Variants in DNAH14 observed in about 807,000 individuals in gnomAD.
The protein encoded by DNAH14 is dynein axonemal heavy chain 14.
A neutral mutation model predicts 520.9 loss-of-function variants in DNAH14; 478 were observed. The ratio of observed to expected loss-of-function variants is 0.92; its 90% CI spans 0.85 to 0.99. The LOEUF (loss-of-function observed/expected upper bound fraction) is 0.99, where lower values mean the gene tolerates loss of function less well. Among genes scored for constraint, DNAH14 ranks in the 50% least tolerant of loss-of-function variants. The probability of loss-of-function intolerance (pLI) is 0.00; values close to 1 mark genes in which losing one functional copy is unlikely to be tolerated. For synonymous variants in DNAH14, 1,581 were observed against 1,757.2 expected (o/e 0.90, Z 2.51); for missense variants, 4,831 against 5,234.5 (o/e 0.92, Z 2.38).
intron 77 of DNAH14, among the ~76,000 whole-genome samples, chr1:225,371,975 A>G (rs186968977): frequency 1.1e-4 from 17 of 152,308 alleles, no homozygotes; most frequent in African/African-American, 3.8e-4. Context: ...CAACATTATG[A>G]GGTAAGGACA....
At chr1:225,251,372 C>A (rs1013750146) in intron 43 of DNAH14, among the ~76,000 whole-genome samples, 1 of 152,036 alleles carries the variant, frequency 6.6e-6, no homozygotes, top group Non-Finnish European at 1.5e-5. Flanking sequence ...CGGGGTTGCA[C>A]CATGTTGGCC....
intron 11 of DNAH14, among the ~76,000 whole-genome samples, chr1:225,033,113 T>C (rs915513664): frequency 6.6e-6 from 1 of 152,198 alleles, no homozygotes; most frequent in Non-Finnish European, 1.5e-5. Flanking sequence ...TTGCTTTTGT[T>C]GCAATGGCTT....
chr1:225,064,396 C>T (rs1184933286), intron 17 of DNAH14, among the ~76,000 whole-genome samples: 1 of 151,864 alleles, frequency 6.6e-6, no homozygotes, highest in East Asian at 1.9e-4. Flanking sequence ...CCATTTAATC[C>T]ATCAGTTCCA....
chr1:225,055,751 G>C (rs2068994116), intron 17 of DNAH14, among the ~76,000 whole-genome samples: 2 of 141,824 alleles, frequency 1.4e-5, no homozygotes, highest in South Asian at 4.3e-4. Context: ...TGTTCTCGTT[G>C]TTCAGTTCCC....
rs111977327 is a variant in DNAH14 at position 225,120,794 on chromosome 1, G to A, written c.4166+1500G>A. Among the ~76,000 whole-genome samples, 584 of 152,252 alleles carry A rather than the reference G, an allele frequency of 3.8e-3. 4 individuals carry two copies. The highest frequency in any genetic ancestry group is 0.013 in the African/African-American group (552 of 41,546). ...AGAAACCCTGAAAAAATGAATCTGG[G>A]CATTTAAGCAAAAAAGACAAGCAGT... On this transcript the variant is annotated intron_variant, in intron 26 of 85. Coordinates refer to ENST00000682510, the MANE Select transcript of DNAH14 (RefSeq NM_001367479.1).
intron 71 of DNAH14, among the ~76,000 whole-genome samples, chr1:225,348,423 C>G (rs1263011979): frequency 6.6e-6 from 1 of 152,050 alleles, no homozygotes; most frequent in Non-Finnish European, 1.5e-5. Flanking sequence ...CACCAAGACA[C>G]ATTATAATCA....
At chr1:225,034,919 A>T (rs2066832920) in intron 11 of DNAH14, among the ~76,000 whole-genome samples, 1 of 151,992 alleles carries the variant, frequency 6.6e-6, no homozygotes, top group Non-Finnish European at 1.5e-5. Context: ...CAGTAGTAAC[A>T]TTCCCTTCAT....
intron 17 of DNAH14, among the ~76,000 whole-genome samples, chr1:225,064,153 G>A (rs1051396314): frequency 1.3e-5 from 2 of 151,968 alleles, no homozygotes; most frequent in Admixed American, 6.6e-5. Context: ...TTTAATAAAA[G>A]CAGATGACAG....
At chr1:225,284,444 G>C (rs1226528864) in intron 54 of DNAH14, among the ~76,000 whole-genome samples, 1 of 152,002 alleles carries the variant, frequency 6.6e-6, no homozygotes, top group African/African-American at 2.4e-5. Flanking sequence ...TGAAACTGAA[G>C]AATTAGAAAA....
At chr1:225,247,278 G>A (rs1040900724) in intron 43 of DNAH14, among the ~76,000 whole-genome samples, 3 of 142,944 alleles carry the variant, frequency 2.1e-5, no homozygotes, top group African/African-American at 2.7e-5. Context: ...TAATGCATGC[G>A]GGGCTGAAAA....
At chr1:225,390,395 T>A (rs75242909) in intron 83 of DNAH14, among the ~76,000 whole-genome samples, 1 of 151,940 alleles carries the variant, frequency 6.6e-6, no homozygotes, top group Non-Finnish European at 1.5e-5. Flanking sequence ...AAGAGAGTTG[T>A]AAAGGGGTGA....
In DNAH14 at chr1:225,119,218, A is replaced by C; in HGVS notation, c.4092-2A>C. 2 of 1,517,054 alleles carry C rather than the reference A, an allele frequency of 1.3e-6. No homozygotes were observed. The highest frequency in any genetic ancestry group is 1.8e-6 in the Non-Finnish European group (2 of 1,131,484). The allele number at this position is 1,517,054 out of a possible 1,614,324, so 94.0% of individuals were successfully genotyped here. On this transcript the variant is annotated splice_acceptor_variant, in intron 25 of 85. Coordinates refer to ENST00000682510, the MANE Select transcript of DNAH14 (RefSeq NM_001367479.1). LOFTEE classifies it high-confidence loss of function. ...TGATATTATTTTTGAAACTAATTTT[A>C]GGAAAATTCGTGTAAGAAGTGCTGT...
chr1:225,100,316 T>G (rs1277106836), intron 22 of DNAH14, among the ~76,000 whole-genome samples: 1 of 152,162 alleles, frequency 6.6e-6, no homozygotes, highest in Non-Finnish European at 1.5e-5. Context: ...AAAGCTCTAC[T>G]CCTTTAAAAC....
chr1:225,309,324 GTTTC>G (rs2094309716), intron 60 of DNAH14, among the ~76,000 whole-genome samples: 1 of 152,116 alleles, frequency 6.6e-6, no homozygotes, highest in Non-Finnish European at 1.5e-5. Flanking sequence ...TCAATCCAGT[GTTTC>G]TTTCAGACAT....
At chr1:225,330,835 C>T (rs1170457760) in intron 64 of DNAH14, among the ~76,000 whole-genome samples, 1 of 152,102 alleles carries the variant, frequency 6.6e-6, no homozygotes, top group Non-Finnish European at 1.5e-5. Flanking sequence ...AGGATAAATG[C>T]TCGAGAGGAT....
chr1:225,334,908 G>GTGTGTATA (rs58202867), intron 66 of DNAH14, among the ~76,000 whole-genome samples: 1 of 146,376 alleles, frequency 6.8e-6, no homozygotes. Flanking sequence ...GTGTGTGTGT[G>GTGTGTATA]TATATGTATA....
At chr1:225,167,744 G>A (rs2082166494) in intron 35 of DNAH14, among the ~76,000 whole-genome samples, 195 bp from the exon 36 acceptor site, 1 of 152,082 alleles carries the variant, frequency 6.6e-6, no homozygotes, top group Non-Finnish European at 1.5e-5. Flanking sequence ...AAAATTTTGT[G>A]TTCACTGTAT....
Position 225,027,022 on chromosome 1 carries a change from A to C in DNAH14, c.1358+3157A>C, listed in dbSNP as rs542276918. Among the ~76,000 whole-genome samples, 7 of 151,924 alleles carry C rather than the reference A, an allele frequency of 4.6e-5. No homozygotes were observed. In the South Asian group the frequency reaches 1.5e-3, roughly 32 times the overall value. On this transcript the variant is annotated intron_variant, in intron 11 of 85. Transcript: ENST00000682510. Reference sequence around the variant, plus strand: ...TTTATCATTTTTTATGCTGTTGTGAATGGAATTATTTTTAAATTTTATTTT... The same window carrying C: ...TTTATCATTTTTTATGCTGTTGTGACTGGAATTATTTTTAAATTTTATTTT...
In DNAH14 at chr1:225,273,037, C is replaced by T; in HGVS notation, c.7922C>T (p.Thr2641Ile). ...MAALLFVHEA[T>I]RVFHDRLIDF... ...GCTCTGCTCTTTGTTCATGAAGCCACCCGAGTATTTCACGATCGCTTAATT... is the reference window on the plus strand; with the variant it reads ...GCTCTGCTCTTTGTTCATGAAGCCATCCGAGTATTTCACGATCGCTTAATT... The change falls in exon 52 of 86, where the codon ACC becomes ATC. Residue 2641 changes from threonine (T) to isoleucine (I), a missense_variant. Thr to Ile is a moderately conservative substitution (Grantham distance 89). Coordinates refer to ENST00000682510, the MANE Select transcript of DNAH14 (RefSeq NM_001367479.1). 1 of 1,551,640 alleles carries T rather than the reference C, an allele frequency of 6.4e-7. No individual in the cohort carries two copies.
Sources: allele counts gnomAD v4.1 joint callset (sites outside exome capture counted in the v4.1 genomes callset), GRCh38; gene constraint gnomAD v4.1.1; transcripts MANE v1.5; gene names NCBI Gene and HGNC (gene_info 2026-07-23, HGNC 2026-07-21).